Variants in ACCS observed in about 807,000 individuals in gnomAD.
The protein encoded by ACCS is 1-aminocyclopropane-1-carboxylate synthase-like protein 1.
A neutral mutation model predicts 59.8 loss-of-function variants in ACCS; 42 were observed. The ratio of observed to expected loss-of-function variants is 0.70; its 90% CI spans 0.55 to 0.91. The LOEUF (loss-of-function observed/expected upper bound fraction) is 0.91. ACCS is among the 40% of genes least tolerant of loss of function. ACCS has a pLI of 0.00. For synonymous variants in ACCS, 230 were observed against 240.3 expected (o/e 0.96, Z 0.40); for missense variants, 602 against 630.4 (o/e 0.95, Z 0.48).
chr11:44,079,163 C>A, intron 9 of ACCS: 1 of 362,800 alleles, frequency 2.8e-6, no homozygotes, highest in Non-Finnish European at 5.1e-6. Flanking sequence ...CTCACAACAA[C>A]CCTACTGATG....
At chr11:44,068,636 A>C (rs1271796882) in intron 2 of ACCS, among the ~76,000 whole-genome samples, 1 of 152,190 alleles carries the variant, frequency 6.6e-6, no homozygotes, top group Non-Finnish European at 1.5e-5. Context: ...AAATAAAATA[A>C]AATGGGATAA....
chr11:44,071,348 C>T, intron 3 of ACCS, 33 bp downstream of exon 3: 1 of 1,608,580 alleles, frequency 6.2e-7, no homozygotes, highest in Non-Finnish European at 8.5e-7. Context: ...GGGGCATCAC[C>T]AGCTCCGAGG....
chr11:44,068,177 C>T (rs200471295), intron 2 of ACCS, among the ~76,000 whole-genome samples: 24 of 152,174 alleles, frequency 1.6e-4, no homozygotes, highest in African/African-American at 4.3e-4. Flanking sequence ...TTCTGACCCA[C>T]GACCTGTCGA....
At chr11:44,071,593 T>C in intron 3 of ACCS, 1 of 378,608 alleles carries the variant, frequency 2.6e-6, no homozygotes, top group Non-Finnish European at 4.8e-6. Flanking sequence ...ACTCAGTGCT[T>C]TGTGGTGTAG....
intron 3 of ACCS, 166 bp downstream of exon 3, chr11:44,071,481 G>C (rs1953049095): frequency 3.0e-6 from 2 of 656,794 alleles, no homozygotes; most frequent in African/African-American, 3.6e-5. Flanking sequence ...GTGATCTTAG[G>C]TGAGTTTCTT....
At chr11:44,072,602 AATAAT>A (rs1306943922) in intron 3 of ACCS, among the ~76,000 whole-genome samples, 2 of 152,232 alleles carry the variant, frequency 1.3e-5, no homozygotes, top group African/African-American at 4.8e-5. Flanking sequence ...AACTAATTTT[AATAAT>A]ATATTTTATT....
chr11:44,073,418 C>T, intron 3 of ACCS, 29 bp from the exon 4 acceptor site: 3 of 1,593,906 alleles, frequency 1.9e-6, no homozygotes, highest in Non-Finnish European at 2.6e-6. Flanking sequence ...TGCTGGCCCT[C>T]AGCCGTGCTC....
At chr11:44,081,556 A>G (rs927260071) in intron 12 of ACCS, among the ~76,000 whole-genome samples, 1 of 152,282 alleles carries the variant, frequency 6.6e-6, no homozygotes, top group African/African-American at 2.4e-5. Flanking sequence ...AACAGGGATC[A>G]TAATGGTACC....
At chr11:44,073,567 T>C in intron 4 of ACCS, 50 bp downstream of exon 4, 1 of 1,540,352 alleles carries the variant, frequency 6.5e-7, no homozygotes, top group Non-Finnish European at 8.8e-7. Context: ...TGTGTGGCAA[T>C]GTTGGGAGAC....
chr11:44,071,011 T>C (rs1457602664), intron 2 of ACCS, among the ~76,000 whole-genome samples: 1 of 152,144 alleles, frequency 6.6e-6, no homozygotes, highest in East Asian at 1.9e-4. Flanking sequence ...AATGTATCCC[T>C]TCCAGGTGGG....
At chr11:44,079,165 C>G in intron 9 of ACCS, 1 of 364,782 alleles carries the variant, frequency 2.7e-6, no homozygotes, top group South Asian at 3.8e-5. Flanking sequence ...CACAACAACC[C>G]TACTGATGCT....
At chr11:44,080,166 C>T (rs3107273) in intron 10 of ACCS, among the ~76,000 whole-genome samples, 15,444 of 152,264 alleles carry the variant, frequency 0.1, 1,037 homozygotes, top group East Asian at 0.29. Context: ...GGGAGGATTG[C>T]ATGAGCCCAG....
intron 10 of ACCS, chr11:44,080,404 A>G (rs745887973): frequency 6.5e-6 from 1 of 153,212 alleles, no homozygotes. Context: ...TGTGACTCTC[A>G]TCTATTTTTT....
At chr11:44,079,687 G>T (rs1196617664) in intron 10 of ACCS, 67 bp downstream of exon 10, 1 of 1,466,442 alleles carries the variant, frequency 6.8e-7, no homozygotes, top group East Asian at 2.4e-5. Flanking sequence ...GCCACTTTCT[G>T]GCTCAGCCCA....
At chr11:44,072,408 G>A (rs1375571498) in intron 3 of ACCS, 1 of 151,944 alleles carries the variant, frequency 6.6e-6, no homozygotes, top group Non-Finnish European at 1.5e-5. Context: ...CGCCCGCCTT[G>A]GCCTCCCAAA....
chr11:44,083,216 G>T lies in ACCS; in HGVS notation c.1159G>T (p.Ala387Ser). 6.2e-7 allele frequency: 1 copy of T among 1,614,180 alleles called. No homozygotes were observed. Among genetic ancestry groups the T allele is most frequent in the Non-Finnish European group, 8.5e-7 (1 of 1,180,040 alleles). The stretch of plus-strand genomic sequence containing the variant: ...GCCGGAAAACCATGCCCGGCTCAAG[G>T]CTGCCCACACCTATGTCTCAGAAGA... Reference protein sequence around the residue: ...YLPENHARLKAAHTYVSEELR... With the variant: ...YLPENHARLKSAHTYVSEELR... Residue 387 changes from alanine to serine, a missense_variant, in exon 13 of 15, where the codon GCT (alanine) becomes TCT (serine). Transcript: ENST00000263776.
intron 10 of ACCS, 90 bp from the exon 11 acceptor site, chr11:44,080,930 C>G: frequency 6.6e-7 from 1 of 1,520,104 alleles, no homozygotes; most frequent in Non-Finnish European, 9.1e-7. Context: ...AAACTAGATT[C>G]AACCACCCAT....
chr11:44,075,277 G>A (rs1322059950), intron 5 of ACCS, among the ~76,000 whole-genome samples: 1 of 152,170 alleles, frequency 6.6e-6, no homozygotes, highest in East Asian at 1.9e-4. Context: ...GTTGTTCTGT[G>A]GGCCTTCTGC....
chr11:44,075,425 G>T, intron 5 of ACCS, 101 bp from the exon 6 acceptor site: 1 of 1,293,758 alleles, frequency 7.7e-7, no homozygotes, highest in Non-Finnish European at 1.1e-6. Context: ...GTGGCACCAA[G>T]GCAGGGCCTG....
Sources: allele counts gnomAD v4.1 joint callset (sites outside exome capture counted in the v4.1 genomes callset), GRCh38; gene constraint gnomAD v4.1.1; transcripts MANE v1.5; gene names NCBI Gene and HGNC (gene_info 2026-07-23, HGNC 2026-07-21).